The following OLA1 variants were observed in gnomAD, a reference collection of about 807,000 sequenced individuals.
OLA1 encodes obg-like ATPase 1.
In OLA1, 14 loss-of-function variants were observed where a neutral mutation model predicts 48.4. That is an observed-to-expected ratio of 0.29 (90% confidence interval 0.19 to 0.45). OLA1 has a LOEUF of 0.45. Among genes scored for constraint, OLA1 ranks in the 20% least tolerant of loss-of-function variants. The pLI is 1.00. For missense variants in OLA1, 325 were observed against 467.1 expected (o/e 0.70, Z 2.80); for synonymous variants, 127 against 150.4 (o/e 0.84, Z 1.14).
intron 2 of OLA1, chr2:174,240,582 A>T (rs1688977188): frequency 6.6e-6 from 1 of 152,246 alleles, no homozygotes. Flanking sequence ...TTAAGAAAAA[A>T]AAAGACTTTT....
intron 2 of OLA1, among the ~76,000 whole-genome samples, chr2:174,236,442 C>A (rs1688853211): frequency 6.6e-6 from 1 of 152,016 alleles, no homozygotes; most frequent in African/African-American, 2.4e-5. Context: ...TTGGACACTG[C>A]AAGCAAAAGA....
intron 4 of OLA1, among the ~76,000 whole-genome samples, chr2:174,164,385 G>GCACAGTGCAGAATGGATCCCATTCTC (rs1553485219): frequency 6.6e-6 from 1 of 151,518 alleles, no homozygotes; most frequent in African/African-American, 2.4e-5. Flanking sequence ...ATACCATTCT[G>GCACAGTGCAGAATGGATCCCATTCTC]TTTTATGTTT....
chr2:174,166,237 C>G (rs189436340), intron 4 of OLA1, among the ~76,000 whole-genome samples: 25 of 151,994 alleles, frequency 1.6e-4, no homozygotes, highest in Admixed American at 5.2e-4. Context: ...CAGAACATTT[C>G]AATTCACATA....
intron 7 of OLA1, among the ~76,000 whole-genome samples, chr2:174,114,904 T>C (rs997303324): frequency 6.6e-6 from 1 of 152,048 alleles, no homozygotes; most frequent in African/African-American, 2.4e-5. Context: ...CCAAGGCACG[T>C]GGATCGCTTG....
At chr2:174,163,780 AAAT>A (rs1218430272) in intron 4 of OLA1, among the ~76,000 whole-genome samples, 2 of 56,942 alleles carry the variant, frequency 3.5e-5, no homozygotes, top group Non-Finnish European at 8.6e-5. Context: ...ATATATAAAT[AAAT>A]GTTTGGGTGC....
intron 4 of OLA1, among the ~76,000 whole-genome samples, chr2:174,200,691 T>C (rs1490658563): frequency 6.6e-6 from 1 of 152,160 alleles, no homozygotes; most frequent in Non-Finnish European, 1.5e-5. Context: ...TTATCTACCT[T>C]TGGAGGAGCC....
chr2:174,197,364 A>C (rs1220158188), intron 4 of OLA1, among the ~76,000 whole-genome samples: 1 of 151,900 alleles, frequency 6.6e-6, no homozygotes, highest in Non-Finnish European at 1.5e-5. Context: ...CCCTACTACC[A>C]CCACCTAAGG....
intron 4 of OLA1, among the ~76,000 whole-genome samples, chr2:174,182,075 G>A (rs1687556909): frequency 6.6e-6 from 1 of 152,084 alleles, no homozygotes; most frequent in African/African-American, 2.4e-5. Context: ...AAAGAGGGAA[G>A]AAAGAGTTAA....
intron 4 of OLA1, among the ~76,000 whole-genome samples, chr2:174,184,353 T>C (rs1687607341): frequency 6.6e-6 from 1 of 152,156 alleles, no homozygotes; most frequent in East Asian, 1.9e-4. Flanking sequence ...TTTACCTCTA[T>C]AATATTCTTT....
At chr2:174,076,721 G>A (rs1684745974) in intron 10 of OLA1, among the ~76,000 whole-genome samples, 1 of 151,102 alleles carries the variant, frequency 6.6e-6, no homozygotes, top group Non-Finnish European at 1.5e-5. Flanking sequence ...GAAAGCCAAC[G>A]TAACGTACCC....
At position 174,157,616 on chromosome 2, in the gene OLA1, TAATC is replaced by T. The variant is rs552234226; in HGVS notation, c.374-15620_374-15617del. Among the ~76,000 whole-genome samples the T allele has an allele frequency of 1.3e-3, 196 of 152,320 alleles. 2 individuals carry two copies. Among genetic ancestry groups the T allele is most frequent in the African/African-American group, 3.9e-3 (164 of 41,574 alleles). ...GAAAATGTAAACATGGGACAGGTAT[TAATC>T]AGTCAAGTAAATGCCTGGCTGTTTA... On this transcript the variant is annotated intron_variant, in intron 4 of 10. Coordinates refer to ENST00000284719, the MANE Select transcript of OLA1 (RefSeq NM_013341.5).
intron 4 of OLA1, among the ~76,000 whole-genome samples, chr2:174,187,380 G>T (rs1687679109): frequency 6.6e-6 from 1 of 152,194 alleles, no homozygotes; most frequent in South Asian, 2.1e-4. Context: ...CCTGTGCTAG[G>T]ATGTGCTAAT....
chr2:174,217,547 T>A (rs1239311978), intron 4 of OLA1, among the ~76,000 whole-genome samples: 2 of 152,176 alleles, frequency 1.3e-5, no homozygotes, highest in Non-Finnish European at 2.9e-5. Flanking sequence ...GAAAGTGACA[T>A]ACAACAAAAT....
intron 5 of OLA1, among the ~76,000 whole-genome samples, chr2:174,126,259 C>CAT (rs1212268320): frequency 4.6e-5 from 7 of 151,746 alleles, no homozygotes; most frequent in Non-Finnish European, 1.0e-4. Context: ...TCCTTATGTT[C>CAT]ATATATATAA....
intron 7 of OLA1, among the ~76,000 whole-genome samples, chr2:174,083,033 T>C (rs902308990): frequency 7.2e-5 from 11 of 152,116 alleles, no homozygotes; most frequent in African/African-American, 2.7e-4. Flanking sequence ...AGTAAAGAAT[T>C]AACAGCAGTT....
intron 4 of OLA1, among the ~76,000 whole-genome samples, chr2:174,159,307 C>A (rs375615367): frequency 6.6e-6 from 1 of 152,110 alleles, no homozygotes; most frequent in Non-Finnish European, 1.5e-5. Flanking sequence ...TGTCTTGCCA[C>A]GGCTATATTG....
chr2:174,225,173 G>C (rs1292237907), intron 3 of OLA1, among the ~76,000 whole-genome samples: 1 of 152,060 alleles, frequency 6.6e-6, no homozygotes, highest in African/African-American at 2.4e-5. Flanking sequence ...GTTTAAAATG[G>C]TCTGGTGCCT....
At chr2:174,102,510 A>G (rs1017050205) in intron 7 of OLA1, among the ~76,000 whole-genome samples, 1 of 151,786 alleles carries the variant, frequency 6.6e-6, no homozygotes, top group African/African-American at 2.4e-5. Flanking sequence ...AGAGAAAGAG[A>G]CAGAAAGAGA....
At chr2:174,124,380 G>A (rs998567279) in intron 5 of OLA1, 1 of 152,208 alleles carries the variant, frequency 6.6e-6, no homozygotes, top group Non-Finnish European at 1.5e-5. Flanking sequence ...GCATTCAGAA[G>A]GAGTAACTGC....
Sources: allele counts gnomAD v4.1 joint callset (sites outside exome capture counted in the v4.1 genomes callset), GRCh38; gene constraint gnomAD v4.1.1; transcripts MANE v1.5; gene names NCBI Gene and HGNC (gene_info 2026-07-23, HGNC 2026-07-21).